Variants in MYH9 observed in about 807,000 individuals in gnomAD.
The protein encoded by MYH9 is myosin-9.
A neutral mutation model predicts 241.9 loss-of-function variants in MYH9; 29 were observed. The observed-to-expected ratio is 0.12, with a 90% confidence interval of 0.09 to 0.16. The LOEUF is 0.16. Among genes scored for constraint, MYH9 ranks in the 10% least tolerant of loss-of-function variants. The pLI is 1.00. For missense variants in MYH9, 1,803 were observed against 2,595.5 expected (o/e 0.69, Z 6.63); for synonymous variants, 1,047 against 1,062.6 (o/e 0.99, Z 0.29).
chr22:36,320,777 G>A lies in MYH9; in HGVS notation c.868+21C>T, dbSNP rs2017237562. ...CCAGAGCCCGGCAGCCCCGGTGTCAGGCTGCAGGCCAACTACTCACTCTTC... is the reference window on the plus strand; with the variant it reads ...CCAGAGCCCGGCAGCCCCGGTGTCAAGCTGCAGGCCAACTACTCACTCTTC... On this transcript the variant is annotated intron_variant, in intron 8 of 40. Transcript: ENST00000216181. The surrounding 1 kb of genome is among the most constrained non-coding windows in gnomAD (Gnocchi z 4.8). The A allele has an allele frequency of 6.3e-7, 1 of 1,597,768 alleles. No individual in the cohort carries two copies. The highest frequency in any genetic ancestry group is 1.3e-5 in the African/African-American group (1 of 74,584).
At position 36,308,725 on chromosome 22, in the gene MYH9, C is replaced by T. The variant is rs886561565; in HGVS notation, c.1843+557G>A. 5.9e-5 allele frequency: 48 copies of T among 814,888 alleles called. No homozygotes were observed. In the Middle Eastern group the frequency reaches 1.8e-3, roughly 31 times the overall value. 50.5% of individuals were successfully genotyped at this position (814,888 alleles called of 1,614,324 possible). A position where few individuals can be genotyped will look rare whatever the true frequency, so the allele number is the denominator to read the frequency against. ...GGAAAAGCCAAGGCAAGGGGGGGCGCGAGAAAACCTAGGCAGAAGCATTTC... is the reference window on the plus strand; with the variant it reads ...GGAAAAGCCAAGGCAAGGGGGGGCGTGAGAAAACCTAGGCAGAAGCATTTC... On this transcript the variant is annotated intron_variant, in intron 15 of 40. Transcript: ENST00000216181.
chr22:36,286,919 C>T lies in MYH9; in HGVS notation c.4933-73G>A, dbSNP rs755438906. On this transcript the variant is annotated intron_variant, in intron 34 of 40. Coordinates refer to ENST00000216181, the MANE Select transcript of MYH9 (RefSeq NM_002473.6). ...CCACCCCAACCCTCATGGGTCACCT[C>T]GCCAACAGGGCTCATGGCTGGTGCT... 5.0e-6 allele frequency: 8 copies of T among 1,593,986 alleles called. No homozygotes were observed. The African/African-American group carries it at 8.0e-5, about 16-fold the overall frequency.
intron 1 of MYH9, among the ~76,000 whole-genome samples, chr22:36,367,130 C>T (rs543851715): frequency 6.6e-6 from 1 of 152,274 alleles, no homozygotes; most frequent in East Asian, 1.9e-4. Context: ...GGCACTAGTG[C>T]GGCCTCCTTT....
In MYH9 at chr22:36,299,119, C is replaced by A; in HGVS notation, c.2977-77G>T. On this transcript the variant is annotated intron_variant, in intron 23 of 40. Transcript: ENST00000216181. ...TTGCTAGCCTCAAAGCATGACTCGCCCGGAAATCTGGGGCTGAATGGAGAG... is the reference window on the plus strand; with the variant it reads ...TTGCTAGCCTCAAAGCATGACTCGCACGGAAATCTGGGGCTGAATGGAGAG... 7 of 1,598,392 alleles carry A rather than the reference C, an allele frequency of 4.4e-6. No homozygotes were observed. The Admixed American group carries it at 8.3e-5, about 19-fold the overall frequency.
chr22:36,386,096 C>G (rs908874472), intron 1 of MYH9, among the ~76,000 whole-genome samples: 10 of 152,184 alleles, frequency 6.6e-5, no homozygotes, highest in African/African-American at 2.4e-4. Flanking sequence ...GAGGCAGGGC[C>G]CCGGGGATTT....
intron 1 of MYH9, among the ~76,000 whole-genome samples, chr22:36,371,035 G>C (rs944307141): frequency 6.6e-6 from 1 of 152,128 alleles, no homozygotes; most frequent in African/African-American, 2.4e-5. Context: ...AACCGGTAGA[G>C]CACCGTCCTG....
chr22:36,384,614 ATATATATATATATATAT>A (rs2018318816), intron 1 of MYH9, among the ~76,000 whole-genome samples: 6 of 18,664 alleles, frequency 3.2e-4, no homozygotes, highest in Admixed American at 9.5e-4. Flanking sequence ...AAAAAAAAAT[ATATATATATATATATAT>A]ATATATATAT....
chr22:36,301,091 G>A (rs765765513), intron 21 of MYH9, 34 bp from the exon 22 acceptor site: 9 of 1,589,428 alleles, frequency 5.7e-6, no homozygotes, highest in East Asian at 2.2e-5. Flanking sequence ...CAAGCTCCTC[G>A]CAACACCCTC....
chr22:36,289,372 C>T, intron 31 of MYH9, 75 bp from the exon 32 acceptor site: 1 of 1,437,712 alleles, frequency 7.0e-7, no homozygotes, highest in Non-Finnish European at 9.5e-7. Context: ...CCTAAGCTCC[C>T]TGGGGAAGGA....
At chr22:36,354,453 A>T (rs2017819415) in intron 1 of MYH9, among the ~76,000 whole-genome samples, 1 of 143,674 alleles carries the variant, frequency 7.0e-6, no homozygotes, top group African/African-American at 2.6e-5. Flanking sequence ...TACCATCTTT[A>T]TTTTTTTTTG....
chr22:36,359,159 T>C (rs1399922213), intron 1 of MYH9, among the ~76,000 whole-genome samples: 1 of 152,230 alleles, frequency 6.6e-6, no homozygotes, highest in Non-Finnish European at 1.5e-5. Flanking sequence ...GCTCTGTACT[T>C]GTTCCACTGT....
intron 1 of MYH9, among the ~76,000 whole-genome samples, chr22:36,350,624 G>A (rs1414386873): frequency 1.3e-5 from 2 of 152,186 alleles, no homozygotes; most frequent in African/African-American, 4.8e-5. Context: ...TCGCTATCTC[G>A]AAAGGTCTTT....
intron 3 of MYH9, among the ~76,000 whole-genome samples, chr22:36,331,323 C>T (rs758249849): frequency 2.0e-5 from 3 of 152,190 alleles, no homozygotes; most frequent in South Asian, 2.1e-4. Context: ...TCCCTGGCAC[C>T]GCCACGAGAA....
At chr22:36,381,637 A>G (rs2018257241) in intron 1 of MYH9, among the ~76,000 whole-genome samples, 1 of 152,102 alleles carries the variant, frequency 6.6e-6, no homozygotes, top group Non-Finnish European at 1.5e-5. Context: ...GCATGCACAG[A>G]GCAGAGTTTA....
chr22:36,381,905 T>C (rs2146428321), intron 1 of MYH9, among the ~76,000 whole-genome samples: 1 of 152,318 alleles, frequency 6.6e-6, no homozygotes, highest in Middle Eastern at 3.4e-3. Context: ...CACATCTGAG[T>C]TTATCTGTGA....
At chr22:36,283,948 G>A (rs546790643) in intron 40 of MYH9, 145 bp downstream of exon 40, 92 of 973,878 alleles carry the variant, frequency 9.4e-5, no homozygotes, top group Non-Finnish European at 1.4e-4. Context: ...AAGCCTCAAA[G>A]GCAAGGAGCC....
intron 1 of MYH9, among the ~76,000 whole-genome samples, chr22:36,385,619 C>G (rs1184713151): frequency 6.6e-6 from 1 of 152,138 alleles, no homozygotes; most frequent in Non-Finnish European, 1.5e-5. Flanking sequence ...CCCTCCTGAA[C>G]CTTTCAGATG....
At chr22:36,283,352 C>T (rs2016523403) in intron 40 of MYH9, among the ~76,000 whole-genome samples, 3 of 151,980 alleles carry the variant, frequency 2.0e-5, no homozygotes, top group Non-Finnish European at 4.4e-5. Context: ...GCCTGACCAA[C>T]ATGGTAAAAC....
At chr22:36,357,215 G>C (rs984051061) in intron 1 of MYH9, among the ~76,000 whole-genome samples, 2 of 152,196 alleles carry the variant, frequency 1.3e-5, no homozygotes, top group African/African-American at 2.4e-5. Flanking sequence ...GGACACTCAA[G>C]CGAAGAGTGT....
Sources: gnomAD v4.1 joint callset for allele counts (sites outside exome capture counted in the v4.1 genomes callset) on GRCh38, gnomAD v4.1.1 for gene constraint, Gnocchi (gnomAD v3.1) non-coding constraint, MANE v1.5 for transcripts, NCBI Gene and HGNC (gene_info 2026-07-23, HGNC 2026-07-21) for gene names.